The following ALKAL2 variants were observed in gnomAD, a reference collection of about 807,000 sequenced individuals.
ALKAL2 encodes the protein ALK and LTK ligand 2.
In ALKAL2, 8 loss-of-function variants were observed where a neutral mutation model predicts 18.5. The ratio of observed to expected loss-of-function variants is 0.43; its 90% CI spans 0.25 to 0.78. The LOEUF (loss-of-function observed/expected upper bound fraction) is 0.78. Among genes scored for constraint, ALKAL2 ranks in the 30% least tolerant of loss-of-function variants. ALKAL2 has a pLI of 0.22. For synonymous variants in ALKAL2, 135 were observed against 95.8 expected, an observed-to-expected ratio of 1.41 and a Z score of -2.39; for missense variants, 241 against 211.2, an observed-to-expected ratio of 1.14 and a Z score of -0.88.
Position 287,583 on chromosome 2 carries a change from C to T in ALKAL2, c.253G>A (p.Glu85Lys), listed in dbSNP as rs1670562325. Residue 85 changes from glutamate (E) to lysine (K), a missense_variant and splice_region_variant, in exon 2 of 6, where the codon GAA becomes AAA. Glu to Lys is a moderately conservative substitution (Grantham distance 56). Coordinates refer to ENST00000403610, the MANE Select transcript of ALKAL2 (RefSeq NM_001002919.3). Reference sequence around the variant, plus strand: ...CTCGGGCGCGCTCGGCCCCACTCACCCACTCGCTGCTCCGGCGAAGGCCCC... The same window carrying T: ...CTCGGGCGCGCTCGGCCCCACTCACTCACTCGCTGCTCCGGCGAAGGCCCC... ...GLGPSPEQRV[E>K]IVPRDLRMKD... 6.9e-7 allele frequency: 1 copy of T among 1,452,040 alleles called. No homozygotes were observed. The highest frequency in any genetic ancestry group is 1.5e-5 in the African/African-American group (1 of 67,574). 89.9% of individuals were successfully genotyped at this position (1,452,040 alleles called of 1,614,324 possible). A position where few individuals can be genotyped will look rare whatever the true frequency, so the allele number is the denominator to read the frequency against.
At chr2:284,614 G>A (rs967612750) in intron 4 of ALKAL2, among the ~76,000 whole-genome samples, 3 of 152,142 alleles carry the variant, frequency 2.0e-5, no homozygotes, top group African/African-American at 7.2e-5. Flanking sequence ...TCACAAAGCC[G>A]AGCTGCTGTG....
chr2:283,548 A>G, intron 4 of ALKAL2: 1 of 985,430 alleles, frequency 1.0e-6, no homozygotes, highest in Non-Finnish European at 1.2e-6. Context: ...TGCAGGCTGA[A>G]TCCCAACTTG....
chr2:280,287 T>C (rs1465391131), intron 5 of ALKAL2, 135 bp from the exon 6 acceptor site: 8 of 954,820 alleles, frequency 8.4e-6, no homozygotes, highest in Admixed American at 1.9e-5. Context: ...TGTATTTCTC[T>C]GTGATCCAAA....
chr2:280,795 G>A (rs892881677), intron 5 of ALKAL2, among the ~76,000 whole-genome samples: 7 of 152,224 alleles, frequency 4.6e-5, no homozygotes, highest in Non-Finnish European at 1.0e-4. Context: ...GCCTGAGGAG[G>A]TCTATTAATG....
In ALKAL2 at chr2:287,785, C is replaced by T; in HGVS notation, c.51G>A (p.Gly17=). ...CGCCCCCCCGGCCGCGCCCCGCCGC[C>T]CCCAGCACCAGCAGCAGCCCCAGGA... The part of the protein sequence containing the change: ...PLLLGLLLVL[G]AAGRGRGGAE... The change falls in exon 2 of 6, where the codon GGG becomes GGA. Residue 17 remains glycine, a synonymous_variant. Transcript: ENST00000403610. The T allele has an allele frequency of 7.2e-7, 1 of 1,394,514 alleles. No homozygotes were observed. The highest frequency in any genetic ancestry group is 9.3e-7 in the Non-Finnish European group (1 of 1,080,846). The allele number at this position is 1,394,514 out of a possible 1,614,324, so 86.4% of individuals were successfully genotyped here.
intron 5 of ALKAL2, among the ~76,000 whole-genome samples, chr2:280,464 AGG>A (rs1486272712): frequency 6.6e-6 from 1 of 152,256 alleles, no homozygotes; most frequent in African/African-American, 2.4e-5. Flanking sequence ...TCTAGGCCAC[AGG>A]GATTAACCTG....
intron 5 of ALKAL2, among the ~76,000 whole-genome samples, chr2:281,649 A>C (rs1670353002): frequency 6.6e-6 from 1 of 152,132 alleles, no homozygotes; most frequent in East Asian, 1.9e-4. Context: ...GGGGTCGGCT[A>C]ATGGGCATGT....
intron 4 of ALKAL2, 70 bp from the exon 5 acceptor site, chr2:283,245 A>AT: frequency 1.3e-6 from 2 of 1,551,860 alleles, no homozygotes; most frequent in East Asian, 4.8e-5. Context: ...TTTTGCAAGT[A>AT]TATCAGCTAC....
intron 4 of ALKAL2, chr2:283,554 A>C: frequency 2.0e-6 from 2 of 985,420 alleles, no homozygotes; most frequent in Non-Finnish European, 2.4e-6. Context: ...CTGAATCCCA[A>C]CTTGAGTTGA....
intron 2 of ALKAL2, chr2:287,353 C>G: frequency 2.5e-6 from 1 of 394,360 alleles, no homozygotes; most frequent in Non-Finnish European, 4.5e-6. Flanking sequence ...GTGGAAACCA[C>G]CGACCCGCGC....
At position 287,836 on chromosome 2, in the gene ALKAL2, C is replaced by T. The variant is rs1448119788; in HGVS notation, c.-1G>A. 2.7e-5 allele frequency: 36 copies of T among 1,310,272 alleles called. No individual in the cohort carries two copies. The highest frequency in any genetic ancestry group is 3.3e-5 in the Non-Finnish European group (34 of 1,038,628). The allele number at this position is 1,310,272 out of a possible 1,614,324, so 81.2% of individuals were successfully genotyped here. ...GGAGGGGGTGCCCGGGTCCGCGCAT[C>T]GTGCGCTCGGGGCCGCGGGGCTGGG... is the stretch of plus-strand genomic sequence containing the variant. On this transcript the variant is annotated 5_prime_UTR_variant, in exon 2 of 6. Coordinates refer to ENST00000403610, the MANE Select transcript of ALKAL2 (RefSeq NM_001002919.3).
At chr2:283,966 A>G (rs1268732929) in intron 4 of ALKAL2, among the ~76,000 whole-genome samples, 5 of 152,250 alleles carry the variant, frequency 3.3e-5, no homozygotes, top group African/African-American at 1.2e-4. Flanking sequence ...AGCCAGCTCT[A>G]CTTCCAAAAA....
chr2:283,919 T>C lies in ALKAL2; in HGVS notation c.389-744A>G, dbSNP rs183595127. ...TGAAAATCTGAATTGAATGGGTAGA[T>C]TGACAATGACAAATGTGTACGATAT... On this transcript the variant is annotated intron_variant, in intron 4 of 5. Coordinates refer to ENST00000403610, the MANE Select transcript of ALKAL2 (RefSeq NM_001002919.3). Among the ~76,000 whole-genome samples the C allele has an allele frequency of 5.5e-3, 839 of 152,346 alleles. 10 individuals carry two copies. Among genetic ancestry groups the C allele is most frequent in the African/African-American group, 0.019 (798 of 41,572 alleles).
intron 4 of ALKAL2, chr2:285,871 G>A (rs1406889015): frequency 4.5e-6 from 2 of 445,832 alleles, no homozygotes; most frequent in Non-Finnish European, 8.0e-6. Flanking sequence ...AACAGGAGGA[G>A]AATCGGAGTT....
At chr2:286,032 G>GAAGGC (rs1670497408) in intron 4 of ALKAL2, 91 bp downstream of exon 4, 4 of 1,130,904 alleles carry the variant, frequency 3.5e-6, no homozygotes, top group Non-Finnish European at 5.2e-6. Flanking sequence ...TTTGAGCTAA[G>GAAGGC]AAGGCAGGGG....
rs1476947580 is a variant in ALKAL2 at position 279,889 on chromosome 2, A to G, written c.*258T>C. The G allele has an allele frequency of 8.4e-6, 4 of 474,632 alleles. No homozygotes were observed. The highest frequency in any genetic ancestry group is 3.5e-5 in the Admixed American group (1 of 28,734). 29.4% of individuals were successfully genotyped at this position (474,632 alleles called of 1,614,324 possible). On this transcript the variant is annotated 3_prime_UTR_variant, in exon 6 of 6. Transcript: ENST00000403610. ...GAAATATTCTGTGTTTTATAGCACT[A>G]CACGTCAAATGTGGAGCATTCCTTT...
At position 285,315 on chromosome 2, in the gene ALKAL2, G is replaced by A. The variant is rs139386091; in HGVS notation, c.388+808C>T. On this transcript the variant is annotated intron_variant, in intron 4 of 5. Transcript: ENST00000403610. ...CTTTTCGTTTGTTTGTTTTTGGAGA[G>A]GGAAGGCAGGACAGCAAGTCCGGAA... Among the ~76,000 whole-genome samples the A allele has an allele frequency of 2.0e-5, 3 of 152,328 alleles. No individual in the cohort carries two copies. The East Asian group carries it at 5.8e-4, about 29-fold the overall frequency.
In ALKAL2 at chr2:288,059, C is replaced by G. The variant is rs757211371; in HGVS notation, c.-104G>C. ...AGCCGGCAGGTGAGGGAGCCGCGGT[C>G]TCCTCGACGATCACGCCCGAGGTCC... is the stretch of plus-strand genomic sequence containing the variant. On this transcript the variant is annotated 5_prime_UTR_variant, in exon 1 of 6. Coordinates refer to ENST00000403610, the MANE Select transcript of ALKAL2 (RefSeq NM_001002919.3). The G allele has an allele frequency of 1.7e-6, 2 of 1,209,652 alleles. No individual in the cohort carries two copies. Among genetic ancestry groups the G allele is most frequent in the Admixed American group, 4.4e-5 (1 of 22,566 alleles). The allele number at this position is 1,209,652 out of a possible 1,614,324, so 74.9% of individuals were successfully genotyped here.
intron 5 of ALKAL2, 76 bp from the exon 6 acceptor site, chr2:280,228 G>A: frequency 6.6e-7 from 1 of 1,506,404 alleles, no homozygotes; most frequent in South Asian, 1.1e-5. Context: ...TGTCACTTCA[G>A]TTAGGGGACA....
Sources: allele counts gnomAD v4.1 joint callset (sites outside exome capture counted in the v4.1 genomes callset), GRCh38; gene constraint gnomAD v4.1.1; transcripts MANE v1.5; gene names NCBI Gene and HGNC (gene_info 2026-07-23, HGNC 2026-07-21).